The following ENTR1 variants were observed in gnomAD, a reference collection of about 807,000 sequenced individuals.
The protein encoded by ENTR1 is endosome-associated-trafficking regulator 1.
Under a neutral mutation model 47.9 loss-of-function variants are expected in ENTR1, and 47 were observed. That is an observed-to-expected ratio of 0.98 (90% CI 0.78 to 1.25). ENTR1 has a LOEUF of 1.25. Ranked by LOEUF, ENTR1 falls within the 50% of genes most tolerant of loss-of-function variation. The probability of loss-of-function intolerance (pLI) is 0.00; values close to 1 mark genes in which losing one functional copy is unlikely to be tolerated. For synonymous variants in ENTR1, 290 were observed against 245.8 expected, an observed-to-expected ratio of 1.18 and a Z score of -1.68; for missense variants, 668 against 570.5, an observed-to-expected ratio of 1.17 and a Z score of -1.74.
rs1477002688 is a variant in ENTR1, at chr9:136,407,414, A to T, written c.550T>A (p.Trp184Arg). ...LDEEEDEDTGWSGAYLPSAIE... is the reference protein window; with the variant it reads ...LDEEEDEDTGRSGAYLPSAIE... ...GCGGACGGCAGGTAGGCCCCACTCC[A>T]TCCGGTGTCCTCATCCTCCTCCTCA... Residue 184 changes from tryptophan to arginine, a missense_variant, in exon 5 of 10, where the codon TGG becomes AGG. By Grantham distance (101) the Trp-to-Arg change is moderately radical. Coordinates refer to ENST00000357365, the MANE Select transcript of ENTR1 (RefSeq NM_001039707.2). The T allele has an allele frequency of 6.2e-7, 1 of 1,609,268 alleles. No individual in the cohort carries two copies. The highest frequency in any genetic ancestry group is 1.3e-5 in the African/African-American group (1 of 74,780).
At chr9:136,408,469 T>G (rs1343503381) in intron 3 of ENTR1, among the ~76,000 whole-genome samples, 2 of 151,970 alleles carry the variant, frequency 1.3e-5, no homozygotes, top group South Asian at 4.2e-4. Context: ...TCCCAGCTAC[T>G]CGGGAGGCTG....
intron 6 of ENTR1, 94 bp from the exon 7 acceptor site, chr9:136,405,296 A>G: frequency 1.0e-6 from 1 of 975,742 alleles, no homozygotes; most frequent in South Asian, 1.3e-5. Flanking sequence ...ACCCGCTAAG[A>G]GCCTGTGATG....
In ENTR1 at chr9:136,410,111, G is replaced by C. The variant is rs369753568; in HGVS notation, c.199C>G (p.Leu67Val). Residue 67 changes from leucine to valine, a missense_variant, in exon 2 of 10, where the codon CTG becomes GTG. Coordinates refer to ENST00000357365, the MANE Select transcript of ENTR1 (RefSeq NM_001039707.2). ...AFMCYVPSPV[L>V]ASVGDTDFGY... Reference sequence around the variant, plus strand: ...TCACCTGTGTCTCCCACGGAAGCCAGCACCGGGCTGGGCACATAGCACATA... The same window carrying C: ...TCACCTGTGTCTCCCACGGAAGCCACCACCGGGCTGGGCACATAGCACATA... 2 of 1,612,726 alleles carry C rather than the reference G, an allele frequency of 1.2e-6. No homozygotes were observed. Among genetic ancestry groups the C allele is most frequent in the Admixed American group, 3.3e-5 (2 of 60,000 alleles).
rs1834931288 is a variant in ENTR1 at position 136,409,025 on chromosome 9, G to C, written c.263C>G (p.Ser88Ter). ...GKGKCSKQSP[S>*]GAHGTHFGDD... ...TCCAAAATGTGTCCCGTGGGCTCCT[G>C]ACGGGCTCTGCTTAGAACATTTCCC... is the stretch of plus-strand genomic sequence containing the variant. Residue 88 changes from serine to a stop codon, truncating the protein, a stop_gained, in exon 3 of 10, where the codon TCA (serine) becomes TGA (stop). Coordinates refer to ENST00000357365, the MANE Select transcript of ENTR1 (RefSeq NM_001039707.2). LOFTEE classifies it high-confidence loss of function. 5 of 1,613,968 alleles carry C rather than the reference G, an allele frequency of 3.1e-6. No homozygotes were observed. The highest frequency in any genetic ancestry group is 3.4e-6 in the Non-Finnish European group (4 of 1,179,976).
chr9:136,409,860 C>A, intron 2 of ENTR1: 1 of 685,452 alleles, frequency 1.5e-6, no homozygotes, highest in Non-Finnish European at 2.7e-6. Context: ...CTCCTGTGCT[C>A]CCCGGGCACT....
intron 6 of ENTR1, among the ~76,000 whole-genome samples, chr9:136,405,574 C>T (rs1323565357): frequency 6.6e-6 from 1 of 152,152 alleles, no homozygotes; most frequent in Non-Finnish European, 1.5e-5. Flanking sequence ...CCTGTCTCTA[C>T]AAAAATAAGA....
intron 2 of ENTR1, 112 bp downstream of exon 2, chr9:136,409,978 G>T (rs1835005190): frequency 7.5e-7 from 1 of 1,331,822 alleles, no homozygotes; most frequent in Non-Finnish European, 1.1e-6. Flanking sequence ...CTGGCACGCA[G>T]TGAGCGCTCT....
At chr9:136,408,395 G>A (rs538426562) in intron 3 of ENTR1, among the ~76,000 whole-genome samples, 53 of 152,106 alleles carry the variant, frequency 3.5e-4, no homozygotes, top group South Asian at 2.3e-3. Context: ...TGGCTAACAC[G>A]GTGAAACCTC....
In ENTR1 at chr9:136,410,206, G is replaced by C. The variant is rs1222924745; in HGVS notation, c.104C>G (p.Pro35Arg). 1 of 1,598,618 alleles carries C rather than the reference G, an allele frequency of 6.3e-7. No homozygotes were observed. The highest frequency in any genetic ancestry group is 8.5e-7 in the Non-Finnish European group (1 of 1,173,772). The change falls in exon 2 of 10, where the codon CCC (proline) becomes CGC (arginine). Residue 35 changes from proline (P) to arginine (R), a missense_variant. Transcript: ENST00000357365. The stretch of plus-strand genomic sequence containing the variant: ...ATGGGGGCGCTCACAATTTAGCTGG[G>C]GGAGACAAGACCGGCGCTCATAGAA... ...PAFYERRSCL[P>R]QLNCERPHGR...
At chr9:136,406,029 G>A (rs1834747517) in intron 5 of ENTR1, 51 bp from the exon 6 acceptor site, 1 of 1,426,846 alleles carries the variant, frequency 7.0e-7, no homozygotes, top group African/African-American at 1.4e-5. Context: ...TGGCTCAAAA[G>A]GGCGTGTGCT....
At chr9:136,408,381 A>C (rs547098476) in intron 3 of ENTR1, among the ~76,000 whole-genome samples, 2 of 152,004 alleles carry the variant, frequency 1.3e-5, no homozygotes, top group African/African-American at 2.4e-5. Flanking sequence ...GACTGAGACC[A>C]TCCTGGCTAA....
chr9:136,410,471 C>A lies in ENTR1; in HGVS notation c.-74G>T. The A allele has an allele frequency of 9.9e-7, 1 of 1,006,938 alleles. No individual in the cohort carries two copies. The highest frequency in any genetic ancestry group is 1.2e-6 in the Non-Finnish European group (1 of 835,906). 62.4% of individuals were successfully genotyped at this position (1,006,938 alleles called of 1,614,324 possible). On this transcript the variant is annotated 5_prime_UTR_variant, in exon 1 of 10. Coordinates refer to ENST00000357365, the MANE Select transcript of ENTR1 (RefSeq NM_001039707.2). ...TCCATGGCCCCGGCTCCGCCCGTGC[C>A]GCGGCCCGCGTCGCCCGCCCCCGTC...
Position 136,402,901 on chromosome 9 carries a change from T to C in ENTR1, c.1209-14A>G, listed in dbSNP as rs1164463467. ...GAAACCAGTTGCCTGAAAACAAGCA[T>C]GGATATCAGGATGGGTGGCAGCAGC... is the stretch of plus-strand genomic sequence containing the variant. On this transcript the variant is annotated splice_polypyrimidine_tract_variant and intron_variant, in intron 9 of 9. Coordinates refer to ENST00000357365, the MANE Select transcript of ENTR1 (RefSeq NM_001039707.2). 3 of 1,565,656 alleles carry C rather than the reference T, an allele frequency of 1.9e-6. No homozygotes were observed. The highest frequency in any genetic ancestry group is 2.6e-6 in the Non-Finnish European group (3 of 1,159,040).
intron 5 of ENTR1, among the ~76,000 whole-genome samples, chr9:136,406,673 C>T (rs1443557108): frequency 6.8e-6 from 1 of 148,018 alleles, no homozygotes; most frequent in Non-Finnish European, 1.5e-5. Flanking sequence ...GACAGGGTTT[C>T]ACCATGTTGG....
Position 136,407,460 on chromosome 9 carries a change from T to C in ENTR1, c.504A>G (p.Thr168=). The C allele has an allele frequency of 1.9e-6, 3 of 1,609,930 alleles. No individual in the cohort carries two copies. The highest frequency in any genetic ancestry group is 1.7e-6 in the Non-Finnish European group (2 of 1,179,616). The change falls in exon 5 of 10, where the codon ACA becomes ACG. Residue 168 remains threonine (T), a synonymous_variant. Coordinates refer to ENST00000357365, the MANE Select transcript of ENTR1 (RefSeq NM_001039707.2). The stretch of plus-strand genomic sequence containing the variant: ...CCTCATCCAGGAGGTCACCAGCCCC[T>C]GTCGGATCCTCGAAAAATGGCTGCT... ...EYQQPFFEDP[T]GAGDLLDEEE... is the part of the protein sequence containing the mutation.
In ENTR1 at chr9:136,406,845, C is replaced by T. The variant is rs181880711; in HGVS notation, c.819+300G>A. On this transcript the variant is annotated intron_variant, in intron 5 of 9. Coordinates refer to ENST00000357365, the MANE Select transcript of ENTR1 (RefSeq NM_001039707.2). ...ATTATAATTTTTTAAAAATTTTCCTCCTCTTGGAATACTTAGCAAGCTGGC... is the reference window on the plus strand; with the variant it reads ...ATTATAATTTTTTAAAAATTTTCCTTCTCTTGGAATACTTAGCAAGCTGGC... 9.6e-3 allele frequency: 2,811 copies of T among 292,942 alleles called. 17 individuals carry two copies. The highest frequency in any genetic ancestry group is 0.014 in the Non-Finnish European group (2,194 of 157,214). The allele number at this position is 292,942 out of a possible 1,614,324, so 18.1% of individuals were successfully genotyped here.
intron 3 of ENTR1, among the ~76,000 whole-genome samples, chr9:136,408,550 C>A (rs535583352): frequency 3.4e-4 from 52 of 152,212 alleles, no homozygotes; most frequent in African/African-American, 1.1e-3. Flanking sequence ...TGTACTCCAG[C>A]CTGGGCGACA....
In ENTR1 at chr9:136,402,802, C is replaced by T. The variant is rs1353086202; in HGVS notation, c.1294G>A (p.Glu432Lys). Residue 432 changes from glutamate to lysine, a missense_variant, in exon 10 of 10, where the codon GAG becomes AAG. Glu to Lys is a moderately conservative substitution (Grantham distance 56, BLOSUM62 1). Coordinates refer to ENST00000357365, the MANE Select transcript of ENTR1 (RefSeq NM_001039707.2). The stretch of plus-strand genomic sequence containing the variant: ...CCCAGGGGTCCTCAAGAGTCTTCCT[C>T]CTCGTCTTTAACTTCAGAAATTCTG... ...IDRISEVKDE[E>K]EDS 3 of 1,612,740 alleles carry T rather than the reference C, an allele frequency of 1.9e-6. No homozygotes were observed. Among genetic ancestry groups the T allele is most frequent in the South Asian group, 1.1e-5 (1 of 91,032 alleles).
chr9:136,410,487 C>T lies in ENTR1; in HGVS notation c.-90G>A. The stretch of plus-strand genomic sequence containing the variant: ...CGCCCGTGCCGCGGCCCGCGTCGCC[C>T]GCCCCCGTCGCCCGCCCCCGTCGCC... On this transcript the variant is annotated 5_prime_UTR_variant, in exon 1 of 10. Transcript: ENST00000357365. 1.1e-6 allele frequency: 1 copy of T among 942,812 alleles called. No homozygotes were observed. The highest frequency in any genetic ancestry group is 1.3e-6 in the Non-Finnish European group (1 of 779,902). The allele number at this position is 942,812 out of a possible 1,614,324, so 58.4% of individuals were successfully genotyped here.
Sources: gnomAD v4.1 joint callset for allele counts (sites outside exome capture counted in the v4.1 genomes callset) on GRCh38, gnomAD v4.1.1 for gene constraint, MANE v1.5 for transcripts, NCBI Gene and HGNC (gene_info 2026-07-23, HGNC 2026-07-21) for gene names.